The following IDE variants were observed in gnomAD, a reference collection of about 807,000 sequenced individuals.
IDE encodes the protein insulin degrading enzyme, also known as insulin-degrading enzyme.
IDE carries 58 observed loss-of-function variants against 133.2 expected under a neutral mutation model. The observed-to-expected ratio is 0.44, with a 90% CI of 0.35 to 0.54. IDE has a LOEUF of 0.54. IDE is among the 20% of genes least tolerant of loss of function. The pLI is 0.00. For synonymous variants in IDE, 396 were observed against 421.3 expected (o/e 0.94, Z 0.73); for missense variants, 981 against 1,234.0 (o/e 0.79, Z 3.07).
chr10:92,508,159 A>G lies in IDE; in HGVS notation c.1107T>C (p.Gly369=). The change falls in exon 8 of 25, where the codon GGT becomes GGC. Residue 369 remains glycine (G), a synonymous_variant. Coordinates refer to ENST00000265986, the MANE Select transcript of IDE (RefSeq NM_004969.4). The part of the protein sequence containing the change: ...LVGGQKEGAR[G]FMFFIINVDL... ...CCACATTAATGATAAAAAACATAAA[A>G]CCTCGGGCTCCTTCCTTCTGCCCAC... 3 of 1,613,828 alleles carry G rather than the reference A, an allele frequency of 1.9e-6. No homozygotes were observed. The highest frequency in any genetic ancestry group is 2.5e-6 in the Non-Finnish European group (3 of 1,179,904).
chr10:92,541,355 T>C, intron 1 of IDE: 1 of 470,646 alleles, frequency 2.1e-6, no homozygotes, highest in South Asian at 1.6e-5. Context: ...GATGAATTCA[T>C]CAACAGCTTG....
chr10:92,541,933 A>C (rs185582980), intron 1 of IDE, among the ~76,000 whole-genome samples: 166 of 152,306 alleles, frequency 1.1e-3, no homozygotes, highest in Admixed American at 8.5e-4. Flanking sequence ...CTGAACCTCA[A>C]GGAGTTTAAT....
chr10:92,486,146 C>G (rs1005830064), intron 13 of IDE, among the ~76,000 whole-genome samples: 2 of 151,992 alleles, frequency 1.3e-5, no homozygotes, highest in Non-Finnish European at 1.5e-5. Context: ...GTCAAGAGTT[C>G]GAGGCCAGCC....
intron 12 of IDE, among the ~76,000 whole-genome samples, chr10:92,488,529 G>C (rs1419828333): frequency 6.6e-6 from 1 of 152,126 alleles, no homozygotes; most frequent in Non-Finnish European, 1.5e-5. Flanking sequence ...TGTAATCCCA[G>C]CACTTTGGGA....
chr10:92,533,715 CAAAA>C (rs35455474), intron 3 of IDE, among the ~76,000 whole-genome samples: 1,904 of 119,334 alleles, frequency 0.016, 46 homozygotes, highest in African/African-American at 0.054. Context: ...AAAAATTGAC[CAAAA>C]AAAAAAAAAA....
intron 4 of IDE, among the ~76,000 whole-genome samples, chr10:92,522,584 C>T (rs553996155): frequency 2.6e-5 from 4 of 152,258 alleles, no homozygotes; most frequent in African/African-American, 9.6e-5. Context: ...CTTATCTATA[C>T]TTCAGGAGAA....
chr10:92,463,054 C>T (rs1053972731), intron 21 of IDE, among the ~76,000 whole-genome samples: 4 of 152,120 alleles, frequency 2.6e-5, no homozygotes, highest in African/African-American at 9.7e-5. Flanking sequence ...GAGTGAGATA[C>T]TCTCTGAAAG....
intron 10 of IDE, among the ~76,000 whole-genome samples, chr10:92,505,376 G>A (rs1209454325): frequency 6.6e-6 from 1 of 152,108 alleles, no homozygotes; most frequent in Non-Finnish European, 1.5e-5. Flanking sequence ...TTTTTGGCCA[G>A]TGTAGAAAAA....
chr10:92,477,733 T>C (rs1320526287), intron 15 of IDE, among the ~76,000 whole-genome samples: 2 of 152,222 alleles, frequency 1.3e-5, no homozygotes, highest in South Asian at 2.1e-4. Flanking sequence ...ATAAAAATTA[T>C]GTGTTTTGAT....
intron 1 of IDE, among the ~76,000 whole-genome samples, chr10:92,538,104 G>A (rs1287099152): frequency 6.6e-6 from 1 of 152,094 alleles, no homozygotes. Context: ...GAACTCCTGA[G>A]CTCAAGCCGT....
intron 5 of IDE, among the ~76,000 whole-genome samples, chr10:92,513,441 C>T (rs1419167791): frequency 1.3e-5 from 2 of 152,168 alleles, no homozygotes; most frequent in Non-Finnish European, 1.5e-5. Context: ...GATCCACCTG[C>T]CTCGGCCTTC....
intron 1 of IDE, among the ~76,000 whole-genome samples, chr10:92,552,728 AC>A (rs1461299362): frequency 3.3e-5 from 5 of 151,620 alleles, no homozygotes; most frequent in African/African-American, 1.2e-4. Flanking sequence ...GCATGGTGGC[AC>A]ATGCCTGTAA....
chr10:92,451,909 T>C lies in IDE; in HGVS notation c.*2535A>G, dbSNP rs541594868. On this transcript the variant is annotated 3_prime_UTR_variant, in exon 25 of 25. Transcript: ENST00000265986. The stretch of plus-strand genomic sequence containing the variant: ...GTAGAGGAGAGAAATATTTTTTCTA[T>C]CCTTTTTATTTTCATCCCTGTAAGG... The C allele has an allele frequency of 6.6e-6, 1 of 152,350 alleles. No homozygotes were observed. The highest frequency in any genetic ancestry group is 2.1e-4 in the South Asian group (1 of 4,824). The allele number at this position is 152,350 out of a possible 1,614,324, so 9.4% of individuals were successfully genotyped here. A position where few individuals can be genotyped will look rare whatever the true frequency, so the allele number is the denominator to read the frequency against.
At position 92,475,965 on chromosome 10, in the gene IDE, C is replaced by A; in HGVS notation, c.1914G>T (p.Gln638His). 1.3e-6 allele frequency: 2 copies of A among 1,535,648 alleles called. No individual in the cohort carries two copies. Among genetic ancestry groups the A allele is most frequent in the Admixed American group, 1.8e-5 (1 of 56,678 alleles). ...YLSVKGYNDK[Q>H]PILLKKIIEK... ...CAATAATCTTCTTTAGTAAAATTGGCTGCTTGTCATTGTAACCTTTCACTG... is the reference window on the plus strand; with the variant it reads ...CAATAATCTTCTTTAGTAAAATTGGATGCTTGTCATTGTAACCTTTCACTG... The change falls in exon 16 of 25, where the codon CAG becomes CAT. Residue 638 changes from glutamine to histidine, a missense_variant. Gln to His is a conservative substitution (Grantham distance 24, BLOSUM62 0). Coordinates refer to ENST00000265986, the MANE Select transcript of IDE (RefSeq NM_004969.4).
Position 92,504,421 on chromosome 10 carries a change from T to G in IDE, c.1430+373A>C, listed in dbSNP as rs186806324. On this transcript the variant is annotated intron_variant, in intron 11 of 24. Transcript: ENST00000265986. ...AAGAGGGTGCCTTCATTTGCTTATA[T>G]GAGTCAGATAGGTGGGCTGATACTT... Among the ~76,000 whole-genome samples, 748 of 152,296 alleles carry G rather than the reference T, an allele frequency of 4.9e-3. 8 individuals carry two copies. The highest frequency in any genetic ancestry group is 0.017 in the African/African-American group (711 of 41,572).
chr10:92,481,329 C>G (rs987388454), intron 14 of IDE, among the ~76,000 whole-genome samples: 2 of 152,150 alleles, frequency 1.3e-5, no homozygotes, highest in Non-Finnish European at 1.5e-5. Flanking sequence ...GTAGTCCCAG[C>G]TACTCAGGAG....
At position 92,514,910 on chromosome 10, in the gene IDE, G is replaced by A; in HGVS notation, c.784+10C>T. ...TATCCAATTCTATAAAAAATTGTAA[G>A]GGTTCTTACCTCGACCTAAAACACA... On this transcript the variant is annotated intron_variant, in intron 5 of 24. Transcript: ENST00000265986. 2 of 1,601,434 alleles carry A rather than the reference G, an allele frequency of 1.2e-6. No individual in the cohort carries two copies. Among genetic ancestry groups the A allele is most frequent in the South Asian group, 2.3e-5 (2 of 88,230 alleles).
chr10:92,511,105 T>C (rs1436021803), intron 5 of IDE, among the ~76,000 whole-genome samples: 2 of 148,270 alleles, frequency 1.3e-5, no homozygotes, highest in East Asian at 1.9e-4. Context: ...AAAAAAACTT[T>C]TTTTTTTTTT....
intron 2 of IDE, among the ~76,000 whole-genome samples, chr10:92,535,569 T>C (rs1274188317): frequency 3.3e-5 from 5 of 152,228 alleles, no homozygotes; most frequent in Non-Finnish European, 5.9e-5. Flanking sequence ...CAGGGCTGTG[T>C]GAGTACAAAT....
Sources: gnomAD v4.1 joint callset for allele counts (sites outside exome capture counted in the v4.1 genomes callset) on GRCh38, gnomAD v4.1.1 for gene constraint, MANE v1.5 for transcripts, NCBI Gene and HGNC (gene_info 2026-07-23, HGNC 2026-07-21) for gene names.